The following GANAB variants were observed in gnomAD, a reference collection of about 807,000 sequenced individuals.
The protein encoded by GANAB is glucosidase II alpha subunit.
GANAB carries 35 observed loss-of-function variants against 129.9 expected under a neutral mutation model. The observed-to-expected ratio is 0.27, with a 90% CI of 0.21 to 0.36. GANAB has a LOEUF of 0.36. Ranked by LOEUF, GANAB falls within the 10% of genes least tolerant of loss-of-function variation. GANAB has a pLI of 1.00. For synonymous variants in GANAB, 482 were observed against 451.8 expected (o/e 1.07, Z -0.85); for missense variants, 939 against 1,221.0 (o/e 0.77, Z 3.44).
At chr11:62,639,525 G>A in intron 2 of GANAB, 58 bp from the exon 3 acceptor site, 1 of 1,458,108 alleles carries the variant, frequency 6.9e-7, no homozygotes, top group Non-Finnish European at 9.6e-7. Flanking sequence ...CCCTAAGTCA[G>A]TCTATCACCT....
chr11:62,637,323 C>A (rs1943989363), intron 4 of GANAB, among the ~76,000 whole-genome samples: 1 of 152,162 alleles, frequency 6.6e-6, no homozygotes, highest in African/African-American at 2.4e-5. Context: ...GTGGCTCAAG[C>A]CTGTAATCCT....
intron 4 of GANAB, among the ~76,000 whole-genome samples, chr11:62,638,747 C>T (rs185404045): frequency 1.3e-5 from 2 of 151,974 alleles, no homozygotes; most frequent in Admixed American, 1.3e-4. Flanking sequence ...AGCATCCAGC[C>T]CAGGCCTGTC....
Position 62,629,978 on chromosome 11 carries a change from T to C in GANAB, c.1594-21A>G, listed in dbSNP as rs753380362. On this transcript the variant is annotated intron_variant, in intron 13 of 23. Transcript: ENST00000356638. The stretch of plus-strand genomic sequence containing the variant: ...GAGCCCTGGGAACGTGGGCAGAAAA[T>C]GGGGACAGAAGGACAGAGGGGAGGA... 15 of 1,612,520 alleles carry C rather than the reference T, an allele frequency of 9.3e-6. No homozygotes were observed. The East Asian group carries it at 2.5e-4, about 26-fold the overall frequency.
intron 9 of GANAB, 133 bp from the exon 10 acceptor site, chr11:62,631,316 C>A: frequency 1.4e-6 from 1 of 721,204 alleles, no homozygotes; most frequent in Non-Finnish European, 2.3e-6. Context: ...TAAGACTAAA[C>A]GGGGCCTCTT....
At chr11:62,638,600 A>G (rs200110629) in intron 4 of GANAB, among the ~76,000 whole-genome samples, 7 of 2,560 alleles carry the variant, frequency 2.7e-3, no homozygotes, top group African/African-American at 3.2e-3. Flanking sequence ...GGAAGGAAGG[A>G]AGGAAGGAAG....
At chr11:62,633,135 G>T in intron 7 of GANAB, 34 bp from the exon 8 acceptor site, 2 of 1,598,178 alleles carry the variant, frequency 1.3e-6, no homozygotes, top group Non-Finnish European at 1.7e-6. Flanking sequence ...CAGAGCTTCT[G>T]CTTGGAAAGG....
chr11:62,629,772 G>C (rs1156857841), intron 14 of GANAB, 42 bp downstream of exon 14: 1 of 1,612,470 alleles, frequency 6.2e-7, no homozygotes, highest in Admixed American at 1.7e-5. Flanking sequence ...TCTCTGGGCT[G>C]TTTTCCCTCT....
chr11:62,632,128 C>T (rs1423514872), intron 9 of GANAB, among the ~76,000 whole-genome samples: 1 of 151,624 alleles, frequency 6.6e-6, no homozygotes, highest in Non-Finnish European at 1.5e-5. Context: ...AGTCCGCCGC[C>T]ACACCCTGCT....
intron 4 of GANAB, among the ~76,000 whole-genome samples, chr11:62,637,276 T>C (rs773463263): frequency 3.3e-5 from 5 of 152,180 alleles, no homozygotes; most frequent in African/African-American, 1.2e-4. Flanking sequence ...AAATGAACCA[T>C]AGTCATATTA....
chr11:62,633,065 C>A lies in GANAB; in HGVS notation c.755G>T (p.Gly252Val). Residue 252 changes from glycine (G) to valine (V), a missense_variant, in exon 8 of 24, where the codon GGC (glycine) becomes GTC (valine). Physicochemically the swap from Gly to Val is moderately radical, Grantham distance 109. Transcript: ENST00000356638. Reference sequence around the variant, plus strand: ...AGGGATCCCATAGACATGCTCCATGCCTGGCAGAGAGAAGTCCAAACCCAC... The same window carrying A: ...AGGGATCCCATAGACATGCTCCATGACTGGCAGAGAGAAGTCCAAACCCAC... ...MSVGLDFSLP[G>V]MEHVYGIPEH... 1 of 1,612,238 alleles carries A rather than the reference C, an allele frequency of 6.2e-7. No homozygotes were observed. The highest frequency in any genetic ancestry group is 8.5e-7 in the Non-Finnish European group (1 of 1,178,332).
At chr11:62,641,378 C>T (rs1004071569) in intron 1 of GANAB, among the ~76,000 whole-genome samples, 1 of 149,976 alleles carries the variant, frequency 6.7e-6, no homozygotes, top group African/African-American at 2.4e-5. Flanking sequence ...CTCAGCTAGC[C>T]TGCTGGTTAC....
At chr11:62,642,437 CTTTTT>C (rs769063549) in intron 1 of GANAB, among the ~76,000 whole-genome samples, 1 of 140,766 alleles carries the variant, frequency 7.1e-6, no homozygotes, top group African/African-American at 2.6e-5. Flanking sequence ...GGGCATCAGA[CTTTTT>C]TTTTTTTTTT....
chr11:62,644,359 T>C (rs1020086531), intron 1 of GANAB, among the ~76,000 whole-genome samples: 1 of 151,934 alleles, frequency 6.6e-6, no homozygotes, highest in Non-Finnish European at 1.5e-5. Flanking sequence ...AATAAAGTTT[T>C]ACAACCAGCC....
At chr11:62,638,918 A>G (rs1360244290) in intron 4 of GANAB, 65 bp downstream of exon 4, 5 of 1,537,440 alleles carry the variant, frequency 3.3e-6, no homozygotes, top group Non-Finnish European at 3.6e-6. Context: ...ATCAGCAACC[A>G]AAAAAAGGTT....
At chr11:62,632,891 G>A in intron 8 of GANAB, 114 bp downstream of exon 8, 1 of 972,148 alleles carries the variant, frequency 1.0e-6, no homozygotes, top group Non-Finnish European at 1.6e-6. Context: ...GGTGATTCTG[G>A]ACACAAGAAA....
At chr11:62,642,586 C>A (rs547721236) in intron 1 of GANAB, among the ~76,000 whole-genome samples, 2 of 152,068 alleles carry the variant, frequency 1.3e-5, no homozygotes, top group African/African-American at 4.8e-5. Context: ...AGGTGCCCAC[C>A]ACCATGCCCA....
At chr11:62,629,399 G>A (rs1590798201) in intron 15 of GANAB, 104 bp from the exon 16 acceptor site, 3 of 898,722 alleles carry the variant, frequency 3.3e-6, no homozygotes, top group Non-Finnish European at 5.5e-6. Flanking sequence ...CCCTGCTGAA[G>A]ATGCAGTTCA....
rs1943580815 is a variant in GANAB at position 62,629,854 on chromosome 11, C to A, written c.1697G>T (p.Trp566Leu). ...MLKDAQHYGG[W>L]EHRDVHNIYG... The stretch of plus-strand genomic sequence containing the variant: ...GATGTTATGCACATCCCGGTGCTCC[C>A]AGCCCCCATAATGCTGGGCATCCTT... The change falls in exon 14 of 24, where the codon TGG (tryptophan) becomes TTG (leucine). Residue 566 changes from tryptophan to leucine, a missense_variant. By Grantham distance (61) the Trp-to-Leu change is moderately conservative. Transcript: ENST00000356638. 1 of 1,614,172 alleles carries A rather than the reference C, an allele frequency of 6.2e-7. No homozygotes were observed. Among genetic ancestry groups the A allele is most frequent in the Admixed American group, 1.7e-5 (1 of 60,014 alleles).
intron 5 of GANAB, 82 bp downstream of exon 5, chr11:62,634,739 C>G (rs1453148380): frequency 8.6e-7 from 1 of 1,162,772 alleles, no homozygotes; most frequent in Admixed American, 1.9e-5. Context: ...GTCCCACCAC[C>G]GTCTCCTCCC....
Sources: allele counts gnomAD v4.1 joint callset (sites outside exome capture counted in the v4.1 genomes callset), GRCh38; gene constraint gnomAD v4.1.1; transcripts MANE v1.5; gene names NCBI Gene and HGNC (gene_info 2026-07-23, HGNC 2026-07-21).